Variants in CD300LG observed in about 807,000 individuals in gnomAD.
CD300LG encodes the protein CMRF35-like molecule 9.
CD300LG carries 29 observed loss-of-function variants against 31.5 expected under a neutral mutation model. The observed-to-expected ratio is 0.92, with a 90% CI of 0.68 to 1.25. The LOEUF (loss-of-function observed/expected upper bound fraction) is 1.25, where lower values mean the gene tolerates loss of function less well. Ranked by LOEUF, CD300LG falls within the 50% of genes most tolerant of loss-of-function variation. The probability of loss-of-function intolerance (pLI) is 0.00; values close to 1 mark genes in which losing one functional copy is unlikely to be tolerated. For synonymous variants in CD300LG, 175 were observed against 177.2 expected (o/e 0.99, Z 0.10); for missense variants, 396 against 417.6 (o/e 0.95, Z 0.45).
At chr17:43,851,805 T>G (rs1347773581) in intron 2 of CD300LG, among the ~76,000 whole-genome samples, 1 of 152,064 alleles carries the variant, frequency 6.6e-6, no homozygotes, top group Non-Finnish European at 1.5e-5. Flanking sequence ...GCTGCCTGCC[T>G]TGGCCTCCCA....
At chr17:43,858,775 G>A in intron 6 of CD300LG, 1 of 906,552 alleles carries the variant, frequency 1.1e-6, no homozygotes. Flanking sequence ...GTCAAAGAGG[G>A]AGGGGGATGC....
intron 6 of CD300LG, among the ~76,000 whole-genome samples, chr17:43,859,113 G>A (rs1295079690): frequency 1.3e-5 from 2 of 152,180 alleles, no homozygotes; most frequent in African/African-American, 4.8e-5. Flanking sequence ...TATGGGGCTG[G>A]CTGCAGAGCC....
intron 6 of CD300LG, among the ~76,000 whole-genome samples, chr17:43,860,908 C>T (rs938606439): frequency 1.3e-5 from 2 of 152,174 alleles, no homozygotes; most frequent in Admixed American, 6.5e-5. Context: ...AGTTTTACAG[C>T]TGAGGAAACT....
chr17:43,856,310 G>A (rs1282341307), intron 5 of CD300LG, among the ~76,000 whole-genome samples: 5 of 152,128 alleles, frequency 3.3e-5, no homozygotes, highest in African/African-American at 1.2e-4. Flanking sequence ...CTCCCGTGCT[G>A]GATGGCAAAG....
At chr17:43,856,891 A>G (rs2046537852) in intron 5 of CD300LG, among the ~76,000 whole-genome samples, 1 of 152,188 alleles carries the variant, frequency 6.6e-6, no homozygotes, top group African/African-American at 2.4e-5. Context: ...TCTGACCCTC[A>G]TGAGATAATC....
In CD300LG at chr17:43,852,666, A is replaced by G. The variant is rs530239925; in HGVS notation, c.380-246A>G. Among the ~76,000 whole-genome samples the G allele has an allele frequency of 2.4e-4, 37 of 152,326 alleles. 2 individuals are homozygous for G. In the South Asian group the frequency reaches 7.3e-3, roughly 30 times the overall value. Reference sequence around the variant, plus strand: ...AAACTGGAGTAGTGTGAAGGGTGGCAGGGAAGAAGCAGGCTGAGAGGCAGG... The same window carrying G: ...AAACTGGAGTAGTGTGAAGGGTGGCGGGGAAGAAGCAGGCTGAGAGGCAGG... On this transcript the variant is annotated intron_variant, in intron 2 of 6. Coordinates refer to ENST00000317310, the MANE Select transcript of CD300LG (RefSeq NM_145273.4).
intron 5 of CD300LG, 44 bp from the exon 6 acceptor site, chr17:43,857,060 C>T: frequency 6.2e-7 from 1 of 1,606,016 alleles, no homozygotes; most frequent in Non-Finnish European, 8.5e-7. Flanking sequence ...CCACTCCCGG[C>T]TACTCCTGGC....
intron 2 of CD300LG, among the ~76,000 whole-genome samples, chr17:43,851,446 A>G (rs1216841021): frequency 6.6e-6 from 1 of 152,044 alleles, no homozygotes; most frequent in African/African-American, 2.4e-5. Context: ...TTCTGTTCCC[A>G]AGCATTTTTG....
Position 43,862,106 on chromosome 17 carries a change from C to T in CD300LG, c.*195C>T, listed in dbSNP as rs17736823. 0.02 allele frequency: 8,904 copies of T among 456,374 alleles called. 114 individuals carry two copies. The highest frequency in any genetic ancestry group is 0.027 in the Non-Finnish European group (6,841 of 257,626). The allele number at this position is 456,374 out of a possible 1,614,324, so 28.3% of individuals were successfully genotyped here. A position where few individuals can be genotyped will look rare whatever the true frequency, so the allele number is the denominator to read the frequency against. ...CGTTTGTCAGCCCTGGAGCCCAGAG[C>T]GGTGGCCTTGCTCTTCCGGCTGGAG... On this transcript the variant is annotated 3_prime_UTR_variant, in exon 7 of 7. Transcript: ENST00000317310.
At chr17:43,858,791 T>C in intron 6 of CD300LG, 1 of 852,670 alleles carries the variant, frequency 1.2e-6, no homozygotes, top group Non-Finnish European at 1.4e-6. Flanking sequence ...GATGCATTAC[T>C]TATACTTTGA....
At chr17:43,852,866 T>C in intron 2 of CD300LG, 46 bp from the exon 3 acceptor site, 1 of 1,482,012 alleles carries the variant, frequency 6.7e-7, no homozygotes. Context: ...GGAAAAGGGG[T>C]TCAGAGCGGT....
intron 6 of CD300LG, chr17:43,857,523 T>C (rs1265157630): frequency 4.0e-6 from 6 of 1,493,258 alleles, no homozygotes; most frequent in African/African-American, 1.4e-5. Context: ...GCCTGACTTT[T>C]CTCTCAGTTT....
chr17:43,848,879 T>G lies in CD300LG; in HGVS notation c.365T>G (p.Leu122Arg). 1 of 1,607,978 alleles carries G rather than the reference T, an allele frequency of 6.2e-7. No individual in the cohort carries two copies. The highest frequency in any genetic ancestry group is 8.5e-7 in the Non-Finnish European group (1 of 1,174,890). ...CCCGATGAGTCTTTACTGATCTCTC[T>G]GTTCGTCTTTCCAGGTAACAGATAT... ...RGPDESLLIS[L>R]FVFPGPCCPP... is the part of the protein sequence containing the mutation. Residue 122 changes from leucine to arginine, a missense_variant, in exon 2 of 7, where the codon CTG becomes CGG. Leu to Arg is a moderately radical substitution (Grantham distance 102). Transcript: ENST00000317310.
chr17:43,849,609 C>G (rs1441476076), intron 2 of CD300LG: 1 of 152,422 alleles, frequency 6.6e-6, no homozygotes, highest in Non-Finnish European at 1.5e-5. Context: ...GAGTGGGAGC[C>G]TTGGTCTGCT....
chr17:43,855,497 AG>A, intron 5 of CD300LG, 178 bp downstream of exon 5: 1 of 459,268 alleles, frequency 2.2e-6, no homozygotes, highest in Non-Finnish European at 3.9e-6. Flanking sequence ...AGTCAACATT[AG>A]GAAAGTAATT....
chr17:43,860,023 A>G (rs1325787101), intron 6 of CD300LG, among the ~76,000 whole-genome samples: 1 of 152,222 alleles, frequency 6.6e-6, no homozygotes, highest in Non-Finnish European at 1.5e-5. Context: ...GGCAAGAGCC[A>G]CCACACCCAG....
Position 43,863,586 on chromosome 17 carries a change from G to A in CD300LG, c.*1675G>A, listed in dbSNP as rs2046685559. ...TCACTTTATTCCAGCACTTCTCTGT[G>A]TTTTACAGACCTTTTTATAAATAAA... is the stretch of plus-strand genomic sequence containing the variant. On this transcript the variant is annotated 3_prime_UTR_variant, in exon 7 of 7. Transcript: ENST00000317310. 1 of 151,898 alleles carries A rather than the reference G, an allele frequency of 6.6e-6. No homozygotes were observed. Among genetic ancestry groups the A allele is most frequent in the South Asian group, 2.1e-4 (1 of 4,812 alleles). 9.4% of individuals were successfully genotyped at this position (151,898 alleles called of 1,614,324 possible). A position where few individuals can be genotyped will look rare whatever the true frequency, so the allele number is the denominator to read the frequency against.
At chr17:43,857,036 G>A in intron 5 of CD300LG, 68 bp from the exon 6 acceptor site, 6 of 1,531,086 alleles carry the variant, frequency 3.9e-6, no homozygotes, top group Non-Finnish European at 5.4e-6. Flanking sequence ...CACCTTTCTG[G>A]GAGCAGCTAC....
intron 6 of CD300LG, among the ~76,000 whole-genome samples, chr17:43,860,767 A>G (rs1418318962): frequency 6.6e-6 from 1 of 152,272 alleles, no homozygotes; most frequent in African/African-American, 2.4e-5. Flanking sequence ...AAGAACCTGC[A>G]GCCTGCATGA....
Sources: gnomAD v4.1 joint callset for allele counts (sites outside exome capture counted in the v4.1 genomes callset) on GRCh38, gnomAD v4.1.1 for gene constraint, MANE v1.5 for transcripts, NCBI Gene and HGNC (gene_info 2026-07-23, HGNC 2026-07-21) for gene names.